Variants in TAFA1 observed in about 807,000 individuals in gnomAD.
The protein encoded by TAFA1 is chemokine-like protein TAFA-1.
Under a neutral mutation model 18.5 loss-of-function variants are expected in TAFA1, and 4 were observed. The observed-to-expected ratio is 0.22, with a 90% CI of 0.11 to 0.49. The LOEUF (loss-of-function observed/expected upper bound fraction) is 0.49. TAFA1 is among the 20% of genes least tolerant of loss of function. The probability of loss-of-function intolerance (pLI) is 0.98; values close to 1 mark genes in which losing one functional copy is unlikely to be tolerated. For synonymous variants in TAFA1, 56 were observed against 55.2 expected (o/e 1.01, Z -0.06); for missense variants, 147 against 169.0 (o/e 0.87, Z 0.72).
intron 2 of TAFA1, among the ~76,000 whole-genome samples, chr3:68,053,019 T>C (rs1050281832): frequency 6.6e-6 from 1 of 152,176 alleles, no homozygotes; most frequent in African/African-American, 2.4e-5. Flanking sequence ...CATCAGCAAT[T>C]TAACTTCTTT....
At chr3:68,429,164 C>T (rs1477145589) in intron 3 of TAFA1, among the ~76,000 whole-genome samples, 1 of 151,848 alleles carries the variant, frequency 6.6e-6, no homozygotes. Flanking sequence ...GCCTTGTTCT[C>T]TTTTCTTTAC....
chr3:68,317,139 G>A (rs1382635820), intron 2 of TAFA1, among the ~76,000 whole-genome samples: 3 of 152,086 alleles, frequency 2.0e-5, no homozygotes, highest in African/African-American at 7.2e-5. Context: ...TGAGTATTAG[G>A]AAAAAGAGTT....
intron 2 of TAFA1, among the ~76,000 whole-genome samples, chr3:68,078,429 A>G (rs1349815153): frequency 6.6e-6 from 1 of 152,150 alleles, no homozygotes; most frequent in East Asian, 1.9e-4. Flanking sequence ...CCCATTCAGT[A>G]TGATATTGGC....
chr3:68,144,396 T>C (rs147950027), intron 2 of TAFA1, among the ~76,000 whole-genome samples: 605 of 152,308 alleles, frequency 4.0e-3, no homozygotes, highest in Middle Eastern at 0.031. Flanking sequence ...TGACTTTTAA[T>C]CTTATGACCA....
rs372483299 is a variant in TAFA1 at position 68,020,736 on chromosome 3, A to G, written c.118+13992A>G. ...AAAATCCATGTACTCATCACAGTAC[A>G]TGATATAGATTTTTATGGTTAATCT... On this transcript the variant is annotated intron_variant, in intron 2 of 4. Transcript: ENST00000478136. Among the ~76,000 whole-genome samples the G allele has an allele frequency of 3.7e-4, 56 of 152,216 alleles. 2 individuals are homozygous for G.
intron 2 of TAFA1, among the ~76,000 whole-genome samples, chr3:68,024,834 A>ACACACACACACAC (rs33967574): frequency 0.021 from 2,887 of 139,472 alleles, 47 homozygotes; most frequent in Middle Eastern, 0.036. Flanking sequence ...CACACACACA[A>ACACACACACACAC]TTATACATTG....
At chr3:68,221,113 C>A (rs2066724294) in intron 2 of TAFA1, among the ~76,000 whole-genome samples, 1 of 152,194 alleles carries the variant, frequency 6.6e-6, no homozygotes, top group Non-Finnish European at 1.5e-5. Flanking sequence ...TCTGGCCACT[C>A]CTCTGCTTCA....
chr3:68,068,887 C>A (rs1559724716), intron 2 of TAFA1, among the ~76,000 whole-genome samples: 1 of 152,190 alleles, frequency 6.6e-6, no homozygotes, highest in Non-Finnish European at 1.5e-5. Context: ...CCCATACATG[C>A]ATTATCTGAT....
intron 2 of TAFA1, among the ~76,000 whole-genome samples, chr3:68,179,659 A>G (rs575820570): frequency 4.6e-5 from 7 of 152,338 alleles, no homozygotes; most frequent in African/African-American, 7.2e-5. Context: ...TTTTCTTTGT[A>G]AAGTTTCCAA....
intron 3 of TAFA1, among the ~76,000 whole-genome samples, chr3:68,524,542 A>G (rs2073076204): frequency 6.6e-6 from 1 of 152,202 alleles, no homozygotes; most frequent in Admixed American, 6.5e-5. Flanking sequence ...ATGAATTGGC[A>G]TTATTAAACC....
At chr3:68,235,511 C>A (rs17047387) in intron 2 of TAFA1, among the ~76,000 whole-genome samples, 4 of 152,040 alleles carry the variant, frequency 2.6e-5, no homozygotes, top group Non-Finnish European at 5.9e-5. Context: ...GTTCATACTT[C>A]GCTAAAATAA....
At chr3:68,418,766 A>G (rs1046646491) in intron 3 of TAFA1, among the ~76,000 whole-genome samples, 1 of 152,212 alleles carries the variant, frequency 6.6e-6, no homozygotes, top group African/African-American at 2.4e-5. Flanking sequence ...CTGAGTCCTC[A>G]GTATGGATCA....
intron 3 of TAFA1, among the ~76,000 whole-genome samples, chr3:68,451,858 G>A (rs1022764605): frequency 2.0e-5 from 3 of 152,166 alleles, no homozygotes; most frequent in Non-Finnish European, 4.4e-5. Context: ...GATACTAAAA[G>A]GATTAAAGGT....
intron 2 of TAFA1, among the ~76,000 whole-genome samples, chr3:68,387,186 C>A (rs1403236152): frequency 6.6e-6 from 1 of 151,908 alleles, no homozygotes; most frequent in Admixed American, 6.6e-5. Context: ...TGGCTGAAAG[C>A]AGGACTAAAA....
intron 3 of TAFA1, among the ~76,000 whole-genome samples, chr3:68,423,824 C>CT (rs2071005555): frequency 6.6e-6 from 1 of 151,838 alleles, no homozygotes; most frequent in South Asian, 2.1e-4. Flanking sequence ...AGGGGAGGTC[C>CT]TTTAATCCCT....
At chr3:68,147,780 C>A (rs1310900508) in intron 2 of TAFA1, among the ~76,000 whole-genome samples, 1 of 152,208 alleles carries the variant, frequency 6.6e-6, no homozygotes, top group Non-Finnish European at 1.5e-5. Context: ...AGACATTGAA[C>A]TTCTCTAGAT....
chr3:68,232,209 T>A (rs1325202897), intron 2 of TAFA1, among the ~76,000 whole-genome samples: 1 of 152,174 alleles, frequency 6.6e-6, no homozygotes, highest in Admixed American at 6.5e-5. Flanking sequence ...CCTCTCCCTA[T>A]CCTCCTCTCC....
At chr3:68,141,757 T>C (rs7617661) in intron 2 of TAFA1, among the ~76,000 whole-genome samples, 91,034 of 152,086 alleles carry the variant, frequency 0.6, 28,536 homozygotes, top group South Asian at 0.74. Context: ...TTGAAAGAGA[T>C]AGAGTCCTGA....
chr3:68,198,385 T>G (rs1378821327), intron 2 of TAFA1, among the ~76,000 whole-genome samples: 1 of 151,628 alleles, frequency 6.6e-6, no homozygotes, highest in African/African-American at 2.4e-5. Context: ...TGGGTAAATA[T>G]CAAGGAACAC....
Sources: allele counts gnomAD v4.1 joint callset (sites outside exome capture counted in the v4.1 genomes callset), GRCh38; gene constraint gnomAD v4.1.1; transcripts MANE v1.5; gene names NCBI Gene and HGNC (gene_info 2026-07-23, HGNC 2026-07-21).